The following RICTOR variants were observed in gnomAD, a reference collection of about 807,000 sequenced individuals.
RICTOR encodes RPTOR independent companion of MTOR complex 2, also known as rapamycin-insensitive companion of mTOR.
RICTOR carries 49 observed loss-of-function variants against 214.9 expected under a neutral mutation model. The observed-to-expected ratio is 0.23, with a 90% CI of 0.18 to 0.29. The LOEUF (loss-of-function observed/expected upper bound fraction) is 0.29, where lower values mean the gene tolerates loss of function less well. Ranked by LOEUF, RICTOR falls within the 10% of genes least tolerant of loss-of-function variation. The probability of loss-of-function intolerance (pLI) is 1.00; values close to 1 mark genes in which losing one functional copy is unlikely to be tolerated. For synonymous variants in RICTOR, 717 were observed against 711.3 expected (o/e 1.01, Z -0.13); for missense variants, 1,625 against 2,047.0 (o/e 0.79, Z 3.98).
intron 2 of RICTOR, among the ~76,000 whole-genome samples, chr5:39,050,487 C>T (rs1217714230): frequency 6.6e-6 from 1 of 152,092 alleles, no homozygotes; most frequent in Non-Finnish European, 1.5e-5. Context: ...CAGGTGCACA[C>T]TGCCACACCC....
rs532413623 is a variant in RICTOR, at chr5:38,958,485, G to A, written c.2378C>T (p.Ala793Val). The change falls in exon 24 of 38, where the codon GCG (alanine) becomes GTG (valine). Residue 793 changes from alanine to valine, a missense_variant. Physicochemically the swap from Ala to Val is moderately conservative, Grantham distance 64 (BLOSUM62 0). Coordinates refer to ENST00000357387, the MANE Select transcript of RICTOR (RefSeq NM_152756.5). Reference protein sequence around the residue: ...NLHALIQMKPALSHLGDKGLL... With the variant: ...NLHALIQMKPVLSHLGDKGLL... ...ACCCTTGTCTCCAAGGTGGGATAAC[G>A]CTGGTTTCATCTGAATGAGAGCATG... is the stretch of plus-strand genomic sequence containing the variant. The A allele has an allele frequency of 3.1e-5, 50 of 1,611,850 alleles. No individual in the cohort carries two copies. Among genetic ancestry groups the A allele is most frequent in the Admixed American group, 1.7e-4 (10 of 59,998 alleles).
chr5:38,966,845 G>A (rs1446594689), intron 14 of RICTOR, 124 bp from the exon 15 acceptor site: 3 of 600,036 alleles, frequency 5.0e-6, no homozygotes, highest in African/African-American at 1.9e-5. Flanking sequence ...CTGTTGCCCA[G>A]GCTGGAATGC....
At chr5:38,987,569 A>AT (rs1181941236) in intron 7 of RICTOR, among the ~76,000 whole-genome samples, 3 of 152,112 alleles carry the variant, frequency 2.0e-5, no homozygotes, top group Non-Finnish European at 2.9e-5. Flanking sequence ...CCCCTTTATC[A>AT]TTTTTTATTG....
chr5:38,960,985 T>C (rs569085387), intron 19 of RICTOR, among the ~76,000 whole-genome samples: 137 of 152,208 alleles, frequency 9.0e-4, no homozygotes, highest in African/African-American at 3.1e-3. Context: ...TGTGAGTCAA[T>C]TAAACCTCTT....
chr5:39,045,782 G>A (rs998638330), intron 2 of RICTOR, among the ~76,000 whole-genome samples: 1 of 152,022 alleles, frequency 6.6e-6, no homozygotes, highest in African/African-American at 2.4e-5. Context: ...CTTCTATGAA[G>A]GTAGTAGTTA....
intron 2 of RICTOR, among the ~76,000 whole-genome samples, chr5:39,053,975 G>A (rs1196518318): frequency 6.6e-6 from 1 of 151,740 alleles, no homozygotes; most frequent in Non-Finnish European, 1.5e-5. Flanking sequence ...CCAGCTACTC[G>A]GAAGGCTGAG....
chr5:38,966,112 AAAAAC>A (rs971187869), intron 15 of RICTOR, among the ~76,000 whole-genome samples: 3 of 152,142 alleles, frequency 2.0e-5, no homozygotes, highest in Non-Finnish European at 4.4e-5. Flanking sequence ...GAAAAACAAA[AAAAAC>A]AAAACAAAAC....
chr5:39,019,196 G>A (rs1755201030), intron 3 of RICTOR, among the ~76,000 whole-genome samples: 1 of 152,164 alleles, frequency 6.6e-6, no homozygotes, highest in South Asian at 2.1e-4. Flanking sequence ...GCAAGGTAAA[G>A]CAGTAGGTGC....
At chr5:38,975,752 C>G (rs1751177964) in intron 9 of RICTOR, 148 bp from the exon 10 acceptor site, 1 of 636,350 alleles carries the variant, frequency 1.6e-6, no homozygotes, top group Non-Finnish European at 2.7e-6. Context: ...CAGATCTACA[C>G]TAAAGCAAAT....
At chr5:38,978,098 G>C (rs1033317227) in intron 9 of RICTOR, among the ~76,000 whole-genome samples, 1 of 152,072 alleles carries the variant, frequency 6.6e-6, no homozygotes, top group African/African-American at 2.4e-5. Flanking sequence ...CAAATACCTA[G>C]TGAACATGTG....
rs149708076 is a variant in RICTOR at position 39,030,240 on chromosome 5, T to C, written c.98-9104A>G. ...TACATAATTCTATCTAAAACTGTTA[T>C]TAATGAAACCTCAAACAAATCCTTA... is the stretch of plus-strand genomic sequence containing the variant. On this transcript the variant is annotated intron_variant, in intron 2 of 37. Coordinates refer to ENST00000357387, the MANE Select transcript of RICTOR (RefSeq NM_152756.5). 7.0e-3 allele frequency among the ~76,000 whole-genome samples: 1,063 copies of C among 152,290 alleles called. 53 individuals are homozygous for C. In the East Asian group the frequency reaches 0.12, roughly 17 times the overall value.
intron 19 of RICTOR, 72 bp from the exon 20 acceptor site, chr5:38,960,605 T>A: frequency 6.8e-7 from 1 of 1,463,730 alleles, no homozygotes; most frequent in Non-Finnish European, 9.5e-7. Flanking sequence ...CCATTACTTA[T>A]GACATAATAA....
At chr5:38,966,790 T>A (rs1750266746) in intron 14 of RICTOR, 69 bp from the exon 15 acceptor site, 1 of 886,558 alleles carries the variant, frequency 1.1e-6, no homozygotes, top group Admixed American at 2.8e-5. Flanking sequence ...GCATCAGATT[T>A]ATTTTTCAAA....
Position 38,966,653 on chromosome 5 carries a change from C to T in RICTOR, c.1287G>A (p.Glu429=). The change falls in exon 15 of 38, where the codon GAG becomes GAA. Residue 429 remains glutamate (E), a synonymous_variant. Transcript: ENST00000357387. ...ISVRATILLG[E]LLHMANTILP... is the part of the protein sequence containing the mutation. ...TTGCTAAACTTACCATATGTAAAAG[C>T]TCTCCTAAAAGGATGGTAGCTCTAA... 6.5e-7 allele frequency: 1 copy of T among 1,547,868 alleles called. No homozygotes were observed. The highest frequency in any genetic ancestry group is 8.9e-7 in the Non-Finnish European group (1 of 1,123,774).
At position 39,012,110 on chromosome 5, in the gene RICTOR, C is replaced by T. The variant is rs191880557; in HGVS notation, c.196-8488G>A. On this transcript the variant is annotated intron_variant, in intron 3 of 37. Transcript: ENST00000357387. Reference sequence around the variant, plus strand: ...TGGGATCACGTGAAAATACTTGAATCATGGGGGTGATTTCCTCCATGCTGT... The same window carrying T: ...TGGGATCACGTGAAAATACTTGAATTATGGGGGTGATTTCCTCCATGCTGT... Among the ~76,000 whole-genome samples the T allele has an allele frequency of 3.6e-3, 541 of 152,270 alleles. 3 individuals are homozygous for T. Among genetic ancestry groups the T allele is most frequent in the African/African-American group, 0.012 (485 of 41,566 alleles).
intron 3 of RICTOR, among the ~76,000 whole-genome samples, chr5:39,016,217 A>AAACAAAAAACAAACAAGACAAAAAG (rs1269602190): frequency 1.3e-5 from 2 of 152,120 alleles, no homozygotes; most frequent in African/African-American, 4.8e-5. Flanking sequence ...GGATATGGTA[A>AAACAAAAAACAAACAAGACAAAAAG]AACAAAAAAC....
Position 38,991,003 on chromosome 5 carries a change from G to A in RICTOR, c.529C>T (p.Leu177Phe), listed in dbSNP as rs777554944. Reference protein sequence around the residue: ...NSLIAVGNDGLQERDRMVRAC... With the variant: ...NSLIAVGNDGFQERDRMVRAC... ...CGGACCATTCTGTCTCTTTCTTGAAGTCCATCATTTCCAACTGCAATTAAT... is the reference window on the plus strand; with the variant it reads ...CGGACCATTCTGTCTCTTTCTTGAAATCCATCATTTCCAACTGCAATTAAT... The change falls in exon 7 of 38, where the codon CTT (leucine) becomes TTT (phenylalanine). Residue 177 changes from leucine (L) to phenylalanine (F), a missense_variant. Physicochemically the swap from Leu to Phe is conservative, Grantham distance 22. This residue lies in a region of RICTOR where 258 missense variants were observed against 393.7 expected (regional missense o/e 0.66). Coordinates refer to ENST00000357387, the MANE Select transcript of RICTOR (RefSeq NM_152756.5). The A allele has an allele frequency of 1.0e-5, 16 of 1,606,806 alleles. No homozygotes were observed. In the East Asian group the frequency reaches 2.9e-4, roughly 29 times the overall value.
intron 6 of RICTOR, among the ~76,000 whole-genome samples, chr5:38,996,060 G>A (rs549208070): frequency 1.3e-5 from 2 of 152,256 alleles, no homozygotes; most frequent in African/African-American, 4.8e-5. Flanking sequence ...TGTGTACTGA[G>A]TTGAAAGATA....
intron 2 of RICTOR, among the ~76,000 whole-genome samples, chr5:39,070,310 AT>A (rs1759218388): frequency 6.6e-6 from 1 of 151,954 alleles, no homozygotes; most frequent in Non-Finnish European, 1.5e-5. Context: ...CTAAAAAAAA[AT>A]ACAAAAAATT....
Sources: gnomAD v4.1 joint callset for allele counts (sites outside exome capture counted in the v4.1 genomes callset) on GRCh38, gnomAD v4.1.1 for gene constraint, gnomAD v4.1.1 regional missense constraint, MANE v1.5 for transcripts, NCBI Gene and HGNC (gene_info 2026-07-23, HGNC 2026-07-21) for gene names.